Variants in CLASP1 observed in about 807,000 individuals in gnomAD.
CLASP1 encodes CLIP-associating protein 1.
A neutral mutation model predicts 192.3 loss-of-function variants in CLASP1; 38 were observed. The observed-to-expected ratio is 0.20, with a 90% CI of 0.15 to 0.26. The LOEUF (loss-of-function observed/expected upper bound fraction) is 0.26, where lower values mean the gene tolerates loss of function less well. Ranked by LOEUF, CLASP1 falls within the 10% of genes least tolerant of loss-of-function variation. The pLI, the probability that CLASP1 is intolerant of heterozygous loss-of-function variation, is 1.00. For missense variants in CLASP1, 1,433 were observed against 1,932.5 expected (o/e 0.74, Z 4.85); for synonymous variants, 691 against 712.8 (o/e 0.97, Z 0.49).
chr2:121,344,062 C>T (rs2063126133), intron 39 of CLASP1, among the ~76,000 whole-genome samples: 1 of 151,542 alleles, frequency 6.6e-6, no homozygotes, highest in Non-Finnish European at 1.5e-5. Context: ...CAGAGTGAGA[C>T]TCTATCTCAA....
At chr2:121,355,340 G>C (rs2149182472) in intron 37 of CLASP1, among the ~76,000 whole-genome samples, 1 of 152,164 alleles carries the variant, frequency 6.6e-6, no homozygotes, top group South Asian at 2.1e-4. Context: ...AGTTGGCCAG[G>C]CTGGTCTCAA....
intron 18 of CLASP1, 107 bp from the exon 19 acceptor site, chr2:121,447,614 T>A: frequency 1.1e-6 from 1 of 947,358 alleles, no homozygotes; most frequent in Non-Finnish European, 1.5e-6. Context: ...TACCAAGTTT[T>A]AACAAATGCT....
At chr2:121,649,163 G>A (rs994668074) in intron 1 of CLASP1, among the ~76,000 whole-genome samples, 1 of 152,094 alleles carries the variant, frequency 6.6e-6, no homozygotes, top group South Asian at 2.1e-4. Context: ...TGGGCTCAGC[G>A]ACCTACTGGT....
intron 8 of CLASP1, among the ~76,000 whole-genome samples, chr2:121,478,916 A>ACAC (rs2092254138): frequency 8.9e-5 from 3 of 33,726 alleles, no homozygotes; most frequent in East Asian, 7.7e-4. Context: ...CACACACACC[A>ACAC]CACACACACC....
In CLASP1 at chr2:121,547,730, G is replaced by A. The variant is rs1040687075; in HGVS notation, c.196-17405C>T. Among the ~76,000 whole-genome samples, 3 of 152,188 alleles carry A rather than the reference G, an allele frequency of 2.0e-5. No individual in the cohort carries two copies. In the East Asian group the frequency reaches 5.8e-4, roughly 29 times the overall value. On this transcript the variant is annotated intron_variant, in intron 2 of 39. Coordinates refer to ENST00000263710, the Ensembl canonical transcript of CLASP1. ...CACGGCTGCAACTGTGAGGAAATAC[G>A]GGGGAGCCACACAACCAAGCAAGAG...
chr2:121,473,984 T>G (rs1309082282), intron 8 of CLASP1, among the ~76,000 whole-genome samples: 1 of 152,178 alleles, frequency 6.6e-6, no homozygotes, highest in Admixed American at 6.5e-5. Flanking sequence ...AGTTGGAAAC[T>G]TGGATTTAGA....
intron 6 of CLASP1, among the ~76,000 whole-genome samples, chr2:121,516,811 G>A (rs534393587): frequency 3.2e-4 from 48 of 151,760 alleles, no homozygotes; most frequent in African/African-American, 1.1e-3. Context: ...GGCAGATCAC[G>A]AGGTCTGGAG....
chr2:121,475,865 G>T (rs2150019272), intron 8 of CLASP1, among the ~76,000 whole-genome samples: 1 of 152,178 alleles, frequency 6.6e-6, no homozygotes, highest in Admixed American at 6.5e-5. Flanking sequence ...GATAGTCTCG[G>T]GTAGAAATCT....
At chr2:121,537,785 T>C (rs560407189) in intron 2 of CLASP1, among the ~76,000 whole-genome samples, 1 of 152,344 alleles carries the variant, frequency 6.6e-6, no homozygotes, top group Non-Finnish European at 1.5e-5. Context: ...GTCCTGGTGC[T>C]ACTGGTTTAA....
At chr2:121,390,846 T>G (rs2149400619) in intron 30 of CLASP1, among the ~76,000 whole-genome samples, 1 of 152,236 alleles carries the variant, frequency 6.6e-6, no homozygotes, top group South Asian at 2.1e-4. Context: ...ATGGGGGTCT[T>G]GCTATGTTGC....
chr2:121,571,060 TTC>T (rs1159021740), intron 2 of CLASP1, among the ~76,000 whole-genome samples: 3 of 151,928 alleles, frequency 2.0e-5, no homozygotes, highest in Non-Finnish European at 4.4e-5. Context: ...TCACAGGGAT[TTC>T]TGTTTTTTTA....
chr2:121,532,008 G>A (rs1486178768), intron 2 of CLASP1, among the ~76,000 whole-genome samples: 1 of 152,246 alleles, frequency 6.6e-6, no homozygotes, highest in Non-Finnish European at 1.5e-5. Flanking sequence ...GCCGGGCACT[G>A]CCCAATGTTC....
chr2:121,614,221 C>T (rs914276985), intron 1 of CLASP1, among the ~76,000 whole-genome samples: 3 of 152,208 alleles, frequency 2.0e-5, no homozygotes, highest in Non-Finnish European at 2.9e-5. Flanking sequence ...GGAAGCCGGG[C>T]GCGGTGGCTC....
chr2:121,422,929 C>CT (rs1005653919), intron 22 of CLASP1, among the ~76,000 whole-genome samples: 115 of 152,026 alleles, frequency 7.6e-4, no homozygotes, highest in Admixed American at 2.4e-3. Flanking sequence ...TGTTCCTCCT[C>CT]TTTTTTTCAA....
At chr2:121,388,198 T>C (rs2073679704) in intron 30 of CLASP1, 1 of 248,328 alleles carries the variant, frequency 4.0e-6, no homozygotes. Flanking sequence ...GGAATGAAGC[T>C]GGTTAAGTAG....
At chr2:121,439,470 A>C (rs2082883670) in intron 19 of CLASP1, among the ~76,000 whole-genome samples, 1 of 151,990 alleles carries the variant, frequency 6.6e-6, no homozygotes, top group Non-Finnish European at 1.5e-5. Flanking sequence ...TTAGTGCTAT[A>C]AATTTCCCTC....
At chr2:121,637,828 G>C (rs1335533505) in intron 1 of CLASP1, among the ~76,000 whole-genome samples, 1 of 152,010 alleles carries the variant, frequency 6.6e-6, no homozygotes, top group South Asian at 2.1e-4. Context: ...AGAGGTTGCA[G>C]TGAGCTGAGA....
intron 2 of CLASP1, among the ~76,000 whole-genome samples, chr2:121,555,539 C>G (rs2058468752): frequency 6.6e-6 from 1 of 152,152 alleles, no homozygotes; most frequent in Non-Finnish European, 1.5e-5. Flanking sequence ...ATAAGACAAA[C>G]AGGAAAGAAT....
At chr2:121,552,817 C>T (rs2058163152) in intron 2 of CLASP1, among the ~76,000 whole-genome samples, 2 of 152,174 alleles carry the variant, frequency 1.3e-5, no homozygotes, top group African/African-American at 2.4e-5. Flanking sequence ...AACTACCATT[C>T]GACCTAGCAA....
Sources: allele counts gnomAD v4.1 joint callset (sites outside exome capture counted in the v4.1 genomes callset), GRCh38; gene constraint gnomAD v4.1.1; transcripts MANE v1.5; gene names NCBI Gene and HGNC (gene_info 2026-07-23, HGNC 2026-07-21).